The following IL16 variants were observed in gnomAD, a reference collection of about 807,000 sequenced individuals.
The protein encoded by IL16 is interleukin 16, also known as pro-interleukin-16.
A neutral mutation model predicts 110.1 loss-of-function variants in IL16; 67 were observed. The observed-to-expected ratio is 0.61, with a 90% CI of 0.50 to 0.75. The LOEUF is 0.75. IL16 is among the 30% of genes least tolerant of loss of function. IL16 has a pLI of 0.00. For missense variants in IL16, 1,545 were observed against 1,655.0 expected (o/e 0.93, Z 1.15); for synonymous variants, 689 against 662.9 (o/e 1.04, Z -0.61).
chr15:81,184,750 A>T (rs1895394192), intron 1 of IL16, among the ~76,000 whole-genome samples: 1 of 152,208 alleles, frequency 6.6e-6, no homozygotes, highest in Non-Finnish European at 1.5e-5. Context: ...CTGTCCAGTT[A>T]AATCCTTGCA....
At chr15:81,257,905 C>A (rs992970050) in intron 2 of IL16, among the ~76,000 whole-genome samples, 2 of 152,170 alleles carry the variant, frequency 1.3e-5, no homozygotes, top group Admixed American at 1.3e-4. Flanking sequence ...AGATTCTATA[C>A]TCAGCCAATC....
intron 1 of IL16, among the ~76,000 whole-genome samples, chr15:81,215,781 C>T (rs528183811): frequency 6.6e-6 from 1 of 152,332 alleles, no homozygotes; most frequent in South Asian, 2.1e-4. Flanking sequence ...GGGATCCTCC[C>T]TCACTCAAGT....
At chr15:81,279,537 A>G in intron 7 of IL16, 21 bp from the exon 8 acceptor site, 1 of 1,585,790 alleles carries the variant, frequency 6.3e-7, no homozygotes, top group East Asian at 2.2e-5. Context: ...TGGGTGTTGT[A>G]GCCCTCTCTC....
chr15:81,297,562 C>A (rs1016145571), intron 13 of IL16, among the ~76,000 whole-genome samples: 3 of 152,220 alleles, frequency 2.0e-5, no homozygotes, highest in Admixed American at 2.0e-4. Flanking sequence ...AATGCTAAGA[C>A]ATGACTTGAA....
intron 1 of IL16, among the ~76,000 whole-genome samples, chr15:81,207,246 C>CAAAAAAAAAAAA (rs60442931): frequency 7.8e-5 from 8 of 102,732 alleles, no homozygotes; most frequent in African/African-American, 1.8e-4. Flanking sequence ...TCAAAAAAAA[C>CAAAAAAAAAAAA]AAAAAAAAAA....
chr15:81,278,318 G>C (rs574480562), intron 6 of IL16, among the ~76,000 whole-genome samples: 1 of 152,122 alleles, frequency 6.6e-6, no homozygotes, highest in Non-Finnish European at 1.5e-5. Context: ...AAGTGCAGTA[G>C]GTACAGTGTG....
intron 5 of IL16, among the ~76,000 whole-genome samples, chr15:81,271,488 T>A (rs531534754): frequency 6.6e-6 from 1 of 151,922 alleles, no homozygotes; most frequent in East Asian, 1.9e-4. Context: ...AATATCTCTG[T>A]GTGTATGTGT....
chr15:81,286,051 C>G (rs893860136), intron 10 of IL16, among the ~76,000 whole-genome samples: 3 of 152,162 alleles, frequency 2.0e-5, no homozygotes, highest in African/African-American at 7.2e-5. Flanking sequence ...GAAGCTCTTA[C>G]AGCTGAGTTA....
At chr15:81,300,563 TA>T in intron 14 of IL16, 88 bp downstream of exon 14, 1 of 807,278 alleles carries the variant, frequency 1.2e-6, no homozygotes, top group Admixed American at 3.1e-5. Flanking sequence ...ATATATAATT[TA>T]AAAAATTCCC....
chr15:81,225,629 T>C lies in IL16; in HGVS notation c.230T>C (p.Leu77Pro), dbSNP rs1337589453. 6.2e-7 allele frequency: 1 copy of C among 1,613,940 alleles called. No homozygotes were observed. Among genetic ancestry groups the C allele is most frequent in the African/African-American group, 1.3e-5 (1 of 74,882 alleles). Reference sequence around the variant, plus strand: ...GCTGGGCCCAGCAGTGTTCCTGATCTAGCACTGGCCTCGGAGGCTGCTCAA... The same window carrying C: ...GCTGGGCCCAGCAGTGTTCCTGATCCAGCACTGGCCTCGGAGGCTGCTCAA... ...SEAGPSSVPDLALASEAAQLQ... is the reference protein window; with the variant it reads ...SEAGPSSVPDPALASEAAQLQ... Residue 77 changes from leucine to proline, a missense_variant, in exon 2 of 19, where the codon CTA (leucine) becomes CCA (proline). Physicochemically the swap from Leu to Pro is moderately conservative, Grantham distance 98. Coordinates refer to ENST00000683961, the MANE Select transcript of IL16 (RefSeq NM_172217.5).
chr15:81,248,963 TG>T (rs1382028140), intron 2 of IL16, among the ~76,000 whole-genome samples: 6 of 152,102 alleles, frequency 3.9e-5, no homozygotes, highest in African/African-American at 1.4e-4. Context: ...TCAAGTGATC[TG>T]CCCGCTTCTG....
At chr15:81,211,055 G>T (rs1328515036) in intron 1 of IL16, among the ~76,000 whole-genome samples, 1 of 151,740 alleles carries the variant, frequency 6.6e-6, no homozygotes, top group Non-Finnish European at 1.5e-5. Flanking sequence ...TGGGTTTTTT[G>T]TTTGTTTGTT....
intron 2 of IL16, among the ~76,000 whole-genome samples, chr15:81,245,896 T>C (rs1897528842): frequency 6.6e-6 from 1 of 152,044 alleles, no homozygotes; most frequent in Admixed American, 6.5e-5. Context: ...AGTCTTCTTA[T>C]GTTTGTTTAA....
chr15:81,194,751 C>T (rs1025078890), upstream of IL16, among the ~76,000 whole-genome samples: 2 of 152,146 alleles, frequency 1.3e-5, no homozygotes, highest in East Asian at 3.8e-4. Flanking sequence ...TGGCAGCATG[C>T]TTCCTCCTCT....
chr15:81,204,831 G>A (rs1895956195), intron 1 of IL16, among the ~76,000 whole-genome samples: 1 of 151,970 alleles, frequency 6.6e-6, no homozygotes, highest in African/African-American at 2.4e-5. Context: ...AGAGCGCATG[G>A]GACATTCAGG....
At chr15:81,198,780 G>A (rs1452604239) in intron 1 of IL16, among the ~76,000 whole-genome samples, 2 of 151,754 alleles carry the variant, frequency 1.3e-5, no homozygotes, top group Non-Finnish European at 2.9e-5. Flanking sequence ...AGCAATTTGA[G>A]AGGCCGAGGC....
At position 81,312,572 on chromosome 15, in the gene IL16, T is replaced by G. The variant is rs1900917821; in HGVS notation, c.*3774T>G. 1 of 152,228 alleles carries G rather than the reference T, an allele frequency of 6.6e-6. No individual in the cohort carries two copies. The allele number at this position is 152,228 out of a possible 1,614,324, so 9.4% of individuals were successfully genotyped here. A position where few individuals can be genotyped will look rare whatever the true frequency, so the allele number is the denominator to read the frequency against. ...TGCTGCAGATTTGGGCTGGAACAGA[T>G]TCACACTGTCTGGTTTCACCGAGGA... On this transcript the variant is annotated 3_prime_UTR_variant, in exon 19 of 19. Transcript: ENST00000683961.
chr15:81,203,995 C>A (rs1223253836), intron 1 of IL16, among the ~76,000 whole-genome samples: 628 of 151,362 alleles, frequency 4.1e-3, no homozygotes, highest in Non-Finnish European at 7.0e-3. Flanking sequence ...TCTTTTATTT[C>A]CTTGAGCAGT....
intron 2 of IL16, among the ~76,000 whole-genome samples, chr15:81,226,550 A>G (rs534927131): frequency 9.8e-5 from 15 of 152,298 alleles, no homozygotes; most frequent in Non-Finnish European, 1.5e-4. Flanking sequence ...AATAGGGAAG[A>G]CATTCCAGTA....
Sources: gnomAD v4.1 joint callset for allele counts (sites outside exome capture counted in the v4.1 genomes callset) on GRCh38, gnomAD v4.1.1 for gene constraint, MANE v1.5 for transcripts, NCBI Gene and HGNC (gene_info 2026-07-23, HGNC 2026-07-21) for gene names.